The following ASTN2 variants were observed in gnomAD, a reference collection of about 807,000 sequenced individuals.
ASTN2 encodes astrotactin-2.
ASTN2 carries 54 observed loss-of-function variants against 139.8 expected under a neutral mutation model. That is an observed-to-expected ratio of 0.39 (90% CI 0.31 to 0.48). ASTN2 has a LOEUF of 0.48. Among genes scored for constraint, ASTN2 ranks in the 20% least tolerant of loss-of-function variants. The probability of loss-of-function intolerance (pLI) is 0.95; values close to 1 mark genes in which losing one functional copy is unlikely to be tolerated. For synonymous variants in ASTN2, 756 were observed against 719.5 expected, an observed-to-expected ratio of 1.05 and a Z score of -0.81; for missense variants, 1,565 against 1,725.1, an observed-to-expected ratio of 0.91 and a Z score of 1.64.
intron 20 of ASTN2, among the ~76,000 whole-genome samples, chr9:116,454,295 CAGAGATATCAAAGTAGAAATAGATAAT>C (rs1848261165): frequency 6.6e-6 from 1 of 151,908 alleles, no homozygotes; most frequent in African/African-American, 2.4e-5. Context: ...AATTTGATAA[CAGAGATATCAAAGTAGAAATAGATAAT>C]AGAGATATCT....
At chr9:117,376,954 C>T (rs1830140811) in intron 1 of ASTN2, among the ~76,000 whole-genome samples, 1 of 152,182 alleles carries the variant, frequency 6.6e-6, no homozygotes, top group Non-Finnish European at 1.5e-5. Flanking sequence ...CAACCACTCC[C>T]TTCTCTTGCC....
At chr9:117,040,033 T>G in intron 5 of ASTN2, 68 bp from the exon 6 acceptor site, 1 of 1,452,260 alleles carries the variant, frequency 6.9e-7, no homozygotes, top group South Asian at 1.4e-5. Context: ...GGCATCAAGT[T>G]TGGGAATTCT....
intron 20 of ASTN2, among the ~76,000 whole-genome samples, chr9:116,478,678 C>T (rs888273230): frequency 5.3e-5 from 8 of 152,268 alleles, no homozygotes; most frequent in Admixed American, 3.9e-4. Flanking sequence ...TGTCTGTCTT[C>T]TTGCCCCCAT....
At position 116,596,252 on chromosome 9, in the gene ASTN2, T is replaced by C. The variant is rs1210655242; in HGVS notation, c.3355+22072A>G. Among the ~76,000 whole-genome samples, 6 of 152,294 alleles carry C rather than the reference T, an allele frequency of 3.9e-5. No homozygotes were observed. In the East Asian group the frequency reaches 9.6e-4, roughly 24 times the overall value. Reference sequence around the variant, plus strand: ...TAGGCAAAGTCAAAGAAGCTGAGAATAGAGTGATGGTTTCCAGGTGCTGGG... The same window carrying C: ...TAGGCAAAGTCAAAGAAGCTGAGAACAGAGTGATGGTTTCCAGGTGCTGGG... On this transcript the variant is annotated intron_variant, in intron 19 of 22. Transcript: ENST00000313400.
chr9:116,629,809 C>T (rs1856655196), intron 17 of ASTN2, among the ~76,000 whole-genome samples: 1 of 152,078 alleles, frequency 6.6e-6, no homozygotes, highest in African/African-American at 2.4e-5. Flanking sequence ...AGCCAAACCC[C>T]CCTATTGCCA....
At chr9:117,180,940 A>G (rs972807337) in intron 3 of ASTN2, 2 of 1,597,400 alleles carry the variant, frequency 1.3e-6, no homozygotes, top group Non-Finnish European at 1.7e-6. Context: ...GTGGATGGAC[A>G]TGATAACTTG....
intron 6 of ASTN2, among the ~76,000 whole-genome samples, chr9:117,032,029 C>G (rs1173710363): frequency 2.6e-5 from 4 of 152,160 alleles, no homozygotes; most frequent in Non-Finnish European, 4.4e-5. Flanking sequence ...AGCAGGAGGC[C>G]AGTTTTCAGG....
rs138130190 is a variant in ASTN2 at position 117,039,958 on chromosome 9, C to A, written c.1284G>T (p.Leu428=). The A allele has an allele frequency of 1.8e-4, 285 of 1,610,502 alleles. No homozygotes were observed. The highest frequency in any genetic ancestry group is 2.3e-4 in the Non-Finnish European group (272 of 1,178,232). Residue 428 remains leucine (L), a synonymous_variant, in exon 6 of 23, where the codon CTG becomes CTT. Transcript: ENST00000313400. ...GGGCTGTCTTGTTCACTGGGCTTTT[C>A]AGCAAACCTGGTAACAAGAACATAC... The part of the protein sequence containing the change: ...YRSRRRSKGL[L]KSPVNKTALT...
intron 1 of ASTN2, among the ~76,000 whole-genome samples, chr9:117,407,492 G>C (rs1227239475): frequency 6.6e-6 from 1 of 152,206 alleles, no homozygotes; most frequent in Non-Finnish European, 1.5e-5. Flanking sequence ...GGATGAAGAA[G>C]TAGTTTCCCT....
intron 6 of ASTN2, among the ~76,000 whole-genome samples, chr9:117,036,432 T>C (rs1344426829): frequency 6.6e-6 from 1 of 152,222 alleles, no homozygotes; most frequent in African/African-American, 2.4e-5. Flanking sequence ...CTGAGCCTCC[T>C]GACTGGGGAG....
intron 16 of ASTN2, among the ~76,000 whole-genome samples, chr9:116,675,274 G>A (rs749343936): frequency 7.2e-5 from 11 of 152,188 alleles, no homozygotes. Context: ...CTATCACAGG[G>A]TGTCAGTCTG....
intron 1 of ASTN2, among the ~76,000 whole-genome samples, chr9:117,295,247 G>T (rs1446828407): frequency 1.3e-5 from 2 of 152,030 alleles, no homozygotes; most frequent in Non-Finnish European, 2.9e-5. Flanking sequence ...GCTTGAACTC[G>T]GAAAGTGGAG....
intron 3 of ASTN2, among the ~76,000 whole-genome samples, chr9:117,145,824 T>C (rs2132868167): frequency 6.6e-6 from 1 of 150,882 alleles, no homozygotes; most frequent in Non-Finnish European, 1.5e-5. Flanking sequence ...CTTCCCTCTC[T>C]TTTTTTTCAT....
chr9:116,726,861 G>A (rs1020871560), intron 15 of ASTN2, among the ~76,000 whole-genome samples: 10 of 152,140 alleles, frequency 6.6e-5, no homozygotes, highest in Non-Finnish European at 1.3e-4. Context: ...ACAAAGCCTA[G>A]TGACCTTCTT....
chr9:116,493,793 T>G, intron 19 of ASTN2, among the ~76,000 whole-genome samples: 1 of 149,820 alleles, frequency 6.7e-6, no homozygotes. Context: ...GCAGTGGGAG[T>G]GGGGGGATGT....
At chr9:116,963,172 G>A (rs1021228329) in intron 10 of ASTN2, among the ~76,000 whole-genome samples, 2 of 152,184 alleles carry the variant, frequency 1.3e-5, no homozygotes, top group African/African-American at 4.8e-5. Context: ...GCAATGAGGT[G>A]CCTATGATTC....
chr9:116,565,384 TCTCC>T (rs1443113884), intron 19 of ASTN2, among the ~76,000 whole-genome samples: 370 of 22,808 alleles, frequency 0.016, 4 homozygotes, highest in Non-Finnish European at 0.02. Flanking sequence ...TCTCTCTCTC[TCTCC>T]ATATATATAT....
At chr9:117,127,884 T>C (rs939628610) in intron 4 of ASTN2, among the ~76,000 whole-genome samples, 1 of 151,698 alleles carries the variant, frequency 6.6e-6, no homozygotes, top group African/African-American at 2.4e-5. Flanking sequence ...GTTTCACTGT[T>C]TTAGCCAGGA....
intron 2 of ASTN2, among the ~76,000 whole-genome samples, chr9:117,246,508 G>A (rs1833386819): frequency 6.6e-6 from 1 of 152,310 alleles, no homozygotes; most frequent in Non-Finnish European, 1.5e-5. Flanking sequence ...AGGTGGCTGT[G>A]AGAATCAAAC....
Sources: gnomAD v4.1 joint callset for allele counts (sites outside exome capture counted in the v4.1 genomes callset) on GRCh38, gnomAD v4.1.1 for gene constraint, MANE v1.5 for transcripts, NCBI Gene and HGNC (gene_info 2026-07-23, HGNC 2026-07-21) for gene names.